Variants in SCHIP1 observed in about 807,000 individuals in gnomAD.
The protein encoded by SCHIP1 is schwannomin interacting protein 1.
SCHIP1 carries 8 observed loss-of-function variants against 29.7 expected under a neutral mutation model. The observed-to-expected ratio is 0.27, with a 90% CI of 0.16 to 0.49. The LOEUF (loss-of-function observed/expected upper bound fraction) is 0.49, where lower values mean the gene tolerates loss of function less well. Among genes scored for constraint, SCHIP1 ranks in the 20% least tolerant of loss-of-function variants. The pLI is 0.99. For missense variants in SCHIP1, 193 were observed against 294.6 expected, an observed-to-expected ratio of 0.66 and a Z score of 2.52; for synonymous variants, 76 against 94.9, an observed-to-expected ratio of 0.80 and a Z score of 1.16.
the SCHIP1 span, among the ~76,000 whole-genome samples, chr3:159,743,759 C>A: frequency 6.6e-6 from 1 of 151,950 alleles, no homozygotes; most frequent in Non-Finnish European, 1.5e-5. Flanking sequence ...TTGACTGTGT[C>A]GATGTCAGTA....
chr3:159,813,978 G>A, the SCHIP1 span, among the ~76,000 whole-genome samples: 1 of 152,152 alleles, frequency 6.6e-6, no homozygotes. Context: ...CACGCCCTGA[G>A]CAATGCAGAA....
the SCHIP1 span, among the ~76,000 whole-genome samples, chr3:159,731,891 G>A: frequency 4.0e-4 from 60 of 151,486 alleles, 1 homozygote; most frequent in Non-Finnish European, 1.0e-4. Context: ...TTCTGCTGCC[G>A]AGGCTGGAGT....
At chr3:159,885,106 T>C (rs1400146733) in intron 2 of SCHIP1, among the ~76,000 whole-genome samples, 1 of 152,232 alleles carries the variant, frequency 6.6e-6, no homozygotes, top group Non-Finnish European at 1.5e-5. Context: ...CTGATCAATT[T>C]CTACAAAGCA....
the SCHIP1 span, among the ~76,000 whole-genome samples, chr3:159,519,595 T>C: frequency 1.3e-5 from 2 of 152,174 alleles, no homozygotes; most frequent in African/African-American, 2.4e-5. Context: ...TTTCAATACA[T>C]AAAAACTTTT....
chr3:159,383,101 CTTTAG>C, the SCHIP1 span, among the ~76,000 whole-genome samples: 2 of 150,034 alleles, frequency 1.3e-5, no homozygotes, highest in African/African-American at 4.9e-5. Flanking sequence ...TGCAAAAGCT[CTTTAG>C]TTTAATTAGG....
At chr3:159,502,209 G>A in the SCHIP1 span, among the ~76,000 whole-genome samples, 8 of 152,234 alleles carry the variant, frequency 5.3e-5, no homozygotes, top group East Asian at 1.9e-4. Context: ...TACTAACCTC[G>A]TCATACTGAT....
the SCHIP1 span, among the ~76,000 whole-genome samples, chr3:159,476,775 C>CAT: frequency 1.3e-5 from 2 of 152,074 alleles, no homozygotes; most frequent in Non-Finnish European, 1.5e-5. Context: ...ACCTAATTAA[C>CAT]ATATATACCC....
exon 6 of SCHIP1, chr3:159,892,116 C>G (rs1717600286): frequency 6.2e-7 from 1 of 1,613,242 alleles, no homozygotes; most frequent in East Asian, 2.2e-5. Flanking sequence ...AAGAGTTGGT[C>G]CAGCTGCTTC....
At chr3:159,572,291 G>A in the SCHIP1 span, among the ~76,000 whole-genome samples, 1 of 151,990 alleles carries the variant, frequency 6.6e-6, no homozygotes, top group Non-Finnish European at 1.5e-5. Context: ...CACTGCTTTA[G>A]CTGTGTCCCA....
intron 2 of SCHIP1, among the ~76,000 whole-genome samples, chr3:159,882,771 C>T (rs578176862): frequency 6.6e-6 from 1 of 152,252 alleles, no homozygotes; most frequent in African/African-American, 2.4e-5. Context: ...TTAATAGTAT[C>T]CCTGGTAACA....
At chr3:159,424,676 A>C in the SCHIP1 span, among the ~76,000 whole-genome samples, 5 of 152,206 alleles carry the variant, frequency 3.3e-5, no homozygotes, top group South Asian at 2.1e-4. Context: ...ATTCAGATTC[A>C]GGAAATACAG....
At chr3:159,384,853 A>C in the SCHIP1 span, among the ~76,000 whole-genome samples, 5 of 152,128 alleles carry the variant, frequency 3.3e-5, no homozygotes, top group Admixed American at 2.6e-4. Flanking sequence ...TGTATTTGTC[A>C]AGGAATTTAT....
chr3:159,632,913 T>A, the SCHIP1 span, among the ~76,000 whole-genome samples: 1 of 152,182 alleles, frequency 6.6e-6, no homozygotes, highest in African/African-American at 2.4e-5. Flanking sequence ...GACTTCTAAA[T>A]AAGGTGCTGA....
the SCHIP1 span, among the ~76,000 whole-genome samples, chr3:159,649,208 G>A: frequency 6.6e-6 from 1 of 152,120 alleles, no homozygotes. Context: ...GGGCCCCTGT[G>A]TGCGTTCACT....
the SCHIP1 span, among the ~76,000 whole-genome samples, chr3:159,767,510 A>C: frequency 6.6e-6 from 1 of 152,214 alleles, no homozygotes; most frequent in African/African-American, 2.4e-5. Flanking sequence ...GCCTTGAAGG[A>C]ACTGTTCAAA....
At chr3:159,397,675 C>G in the SCHIP1 span, among the ~76,000 whole-genome samples, 11 of 152,290 alleles carry the variant, frequency 7.2e-5, no homozygotes, top group African/African-American at 1.4e-4. Flanking sequence ...GCAGTCTGCC[C>G]GTTCTCAGAT....
At chr3:159,733,679 T>G in the SCHIP1 span, among the ~76,000 whole-genome samples, 1 of 152,330 alleles carries the variant, frequency 6.6e-6, no homozygotes, top group South Asian at 2.1e-4. Flanking sequence ...CACTGAAGAA[T>G]TCTTCTTATT....
chr3:159,551,895 T>C, the SCHIP1 span, among the ~76,000 whole-genome samples: 14 of 145,954 alleles, frequency 9.6e-5, no homozygotes, highest in African/African-American at 3.7e-4. Context: ...GAATATGGGA[T>C]TAAGATTTAC....
chr3:159,710,263 A>C, the SCHIP1 span, among the ~76,000 whole-genome samples: 1 of 152,312 alleles, frequency 6.6e-6, no homozygotes, highest in East Asian at 1.9e-4. Context: ...GCAGCCTTAA[A>C]AAAGAACAAA....
Sources: gnomAD v4.1 joint callset for allele counts (sites outside exome capture counted in the v4.1 genomes callset) on GRCh38, gnomAD v4.1.1 for gene constraint, MANE v1.5 for transcripts, NCBI Gene and HGNC (gene_info 2026-07-23, HGNC 2026-07-21) for gene names.